NRXN3: variants seen among roughly 807,000 people sequenced by gnomAD.
NRXN3 encodes neurexin III.
Under a neutral mutation model 137.6 loss-of-function variants are expected in NRXN3, and 32 were observed. That is an observed-to-expected ratio of 0.23 (90% CI 0.18 to 0.31). The LOEUF is 0.31. Ranked by LOEUF, NRXN3 falls within the 10% of genes least tolerant of loss-of-function variation. NRXN3 has a pLI of 1.00. For synonymous variants in NRXN3, 798 were observed against 784.5 expected (o/e 1.02, Z -0.29); for missense variants, 1,574 against 2,062.5 (o/e 0.76, Z 4.59).
chr14:79,548,783 A>G (rs2097346507), intron 16 of NRXN3, among the ~76,000 whole-genome samples: 1 of 152,046 alleles, frequency 6.6e-6, no homozygotes, highest in African/African-American at 2.4e-5. Flanking sequence ...ATGTTCCCTA[A>G]ACACAAATAA....
intron 4 of NRXN3, among the ~76,000 whole-genome samples, chr14:78,547,395 T>C (rs2152145432): frequency 6.6e-6 from 1 of 152,226 alleles, no homozygotes; most frequent in African/African-American, 2.4e-5. Flanking sequence ...AGATGGGTTT[T>C]TACCATTTTA....
Position 79,080,790 on chromosome 14 carries a change from G to A in NRXN3, c.3262+92649G>A, listed in dbSNP as rs377632379. On this transcript the variant is annotated intron_variant, in intron 15 of 20. Coordinates refer to ENST00000335750, the MANE Select transcript of NRXN3 (RefSeq NM_001330195.2). The stretch of plus-strand genomic sequence containing the variant: ...AAATGCTTGTCCTACTTCTCCGTGC[G>A]CTTGCCATGGTCTTTGTTTTGCCTC... Among the ~76,000 whole-genome samples the A allele has an allele frequency of 6.6e-5, 10 of 152,252 alleles. No individual in the cohort carries two copies. In the East Asian group the frequency reaches 7.7e-4, roughly 12 times the overall value.
intron 15 of NRXN3, among the ~76,000 whole-genome samples, chr14:79,330,916 C>G (rs1037790803): frequency 8.4e-6 from 1 of 118,512 alleles, no homozygotes; most frequent in Admixed American, 8.2e-5. Flanking sequence ...TCATCTTCAT[C>G]TTTGAGTCAA....
intron 15 of NRXN3, among the ~76,000 whole-genome samples, chr14:79,237,000 T>TA (rs2073485607): frequency 6.6e-6 from 1 of 151,868 alleles, no homozygotes; most frequent in African/African-American, 2.4e-5. Flanking sequence ...TTATTTCTGT[T>TA]AAAAAAATTC....
intron 16 of NRXN3, among the ~76,000 whole-genome samples, chr14:79,500,065 C>T (rs1316205504): frequency 6.6e-6 from 1 of 150,728 alleles, no homozygotes; most frequent in African/African-American, 2.4e-5. Flanking sequence ...GGTTATAAAT[C>T]TAGACTTATG....
chr14:79,020,107 A>G (rs775520509), intron 15 of NRXN3, among the ~76,000 whole-genome samples: 2 of 148,262 alleles, frequency 1.3e-5, no homozygotes, highest in Non-Finnish European at 3.0e-5. Flanking sequence ...GATGGCTTCA[A>G]GGTTGCTTTC....
intron 4 of NRXN3, among the ~76,000 whole-genome samples, chr14:78,369,566 G>T (rs2086503155): frequency 6.6e-6 from 1 of 152,058 alleles, no homozygotes; most frequent in Non-Finnish European, 1.5e-5. Context: ...CCTCCTCTTT[G>T]TTTTTCTGAC....
intron 10 of NRXN3, among the ~76,000 whole-genome samples, chr14:78,814,822 T>A (rs1404034388): frequency 1.3e-5 from 2 of 152,188 alleles, no homozygotes; most frequent in African/African-American, 4.8e-5. Context: ...TTTGACCTTG[T>A]CTGATTGTGC....
Position 78,224,750 on chromosome 14 carries a change from C to CTTTTTTTTTTTTT in NRXN3, c.-703-17626_-703-17614dup, listed in dbSNP as rs35800837. Among the ~76,000 whole-genome samples the CTTTTTTTTTTTTT allele has an allele frequency of 2.2e-4, 14 of 64,844 alleles. 3 individuals carry two copies. The highest frequency in any genetic ancestry group is 1.3e-3 in the East Asian group (2 of 1,542). The allele number at this position is 64,844 out of a possible 152,430, so 42.5% of individuals were successfully genotyped here. A position where few individuals can be genotyped will look rare whatever the true frequency, so the allele number is the denominator to read the frequency against. Reference sequence around the variant, plus strand: ...ACAATAAACATACGTGTGCATGTGTCTTTTTTTTTTTTTTTTTTTTTTTTT... The same window carrying CTTTTTTTTTTTTT: ...ACAATAAACATACGTGTGCATGTGTCTTTTTTTTTTTTTTTTTTTTTTTTTTTTTTTTTTTTTT... On this transcript the variant is annotated intron_variant, in intron 1 of 20. Transcript: ENST00000335750.
Position 78,278,673 on chromosome 14 carries a change from G to T in NRXN3, c.727+11G>T, listed in dbSNP as rs890628832. 2 of 1,534,612 alleles carry T rather than the reference G, an allele frequency of 1.3e-6. No homozygotes were observed. The highest frequency in any genetic ancestry group is 1.7e-6 in the Non-Finnish European group (2 of 1,146,070). The stretch of plus-strand genomic sequence containing the variant: ...TCAGTCAAGATCCAGGTGAGTCTTT[G>T]TGTTTGCACAGCTGCTGTGGGAATT... On this transcript the variant is annotated intron_variant, in intron 3 of 20. Transcript: ENST00000335750.
chr14:79,198,186 A>G lies in NRXN3; in HGVS notation c.3262+210045A>G, dbSNP rs12432103. ...AATGTGATTTATATGAAATGGAAGC[A>G]TGTTCTCCTTCCCCCTTATGTGCTC... On this transcript the variant is annotated intron_variant, in intron 15 of 20. Coordinates refer to ENST00000335750, the MANE Select transcript of NRXN3 (RefSeq NM_001330195.2). 0.036 allele frequency among the ~76,000 whole-genome samples: 5,426 copies of G among 152,328 alleles called. 233 individuals are homozygous for G. Among genetic ancestry groups the G allele is most frequent in the East Asian group, 0.21 (1,084 of 5,162 alleles).
At position 79,137,458 on chromosome 14, in the gene NRXN3, T is replaced by C. The variant is rs1333749944; in HGVS notation, c.3262+149317T>C. ...ACACCCCGCCTAAAAACCTGAGACA[T>C]AAACAATGTCTAGAATTGTGGGCAA... On this transcript the variant is annotated intron_variant, in intron 15 of 20. Transcript: ENST00000335750. Among the ~76,000 whole-genome samples the C allele has an allele frequency of 5.9e-4, 5 of 8,474 alleles. No individual in the cohort carries two copies. In the African/African-American group the frequency reaches 9.0e-3, roughly 15 times the overall value. The allele number at this position is 8,474 out of a possible 152,430, so 5.6% of individuals were successfully genotyped here.
chr14:78,596,997 G>A (rs923745189), intron 4 of NRXN3, among the ~76,000 whole-genome samples: 1 of 152,160 alleles, frequency 6.6e-6, no homozygotes, highest in African/African-American at 2.4e-5. Flanking sequence ...GTGCAAAGAG[G>A]GCTGGGAGAG....
At chr14:79,534,591 T>G (rs907798837) in intron 16 of NRXN3, among the ~76,000 whole-genome samples, 3 of 152,070 alleles carry the variant, frequency 2.0e-5, no homozygotes, top group Non-Finnish European at 4.4e-5. Context: ...ATATGTGAAT[T>G]CTATTCAGAG....
intron 20 of NRXN3, among the ~76,000 whole-genome samples, chr14:79,851,790 A>T (rs569333378): frequency 1.3e-5 from 2 of 152,282 alleles, no homozygotes; most frequent in Admixed American, 1.3e-4. Context: ...TTTCTTCTAC[A>T]GTATCTTCCT....
intron 20 of NRXN3, among the ~76,000 whole-genome samples, chr14:79,843,722 A>G (rs922560519): frequency 1.3e-5 from 2 of 152,212 alleles, no homozygotes; most frequent in East Asian, 3.8e-4. Flanking sequence ...TTACTAATCC[A>G]TAAGAAGCAA....
At chr14:79,527,255 C>T (rs982796447) in intron 16 of NRXN3, among the ~76,000 whole-genome samples, 1 of 132,928 alleles carries the variant, frequency 7.5e-6, no homozygotes, top group Non-Finnish European at 1.5e-5. Context: ...GATGGAGCCA[C>T]TGCACTCCAG....
At chr14:78,361,530 C>T (rs1461555362) in intron 4 of NRXN3, among the ~76,000 whole-genome samples, 3 of 152,146 alleles carry the variant, frequency 2.0e-5, no homozygotes, top group Non-Finnish European at 4.4e-5. Flanking sequence ...TTCTCTAGAT[C>T]TCTTGTGCTA....
chr14:78,990,167 G>C (rs1271817672), intron 15 of NRXN3, among the ~76,000 whole-genome samples: 1 of 152,106 alleles, frequency 6.6e-6, no homozygotes, highest in East Asian at 1.9e-4. Context: ...AACATTTCTA[G>C]TAAATCTAGG....
Sources: allele counts gnomAD v4.1 joint callset (sites outside exome capture counted in the v4.1 genomes callset), GRCh38; gene constraint gnomAD v4.1.1; transcripts MANE v1.5; gene names NCBI Gene and HGNC (gene_info 2026-07-23, HGNC 2026-07-21).